FDX2: variants seen among roughly 807,000 people sequenced by gnomAD.
The protein encoded by FDX2 is ferredoxin 2.
FDX2 carries 13 observed loss-of-function variants against 18.5 expected under a neutral mutation model. That is an observed-to-expected ratio of 0.70 (90% CI 0.46 to 1.12). The LOEUF (loss-of-function observed/expected upper bound fraction) is 1.12, where lower values mean the gene tolerates loss of function less well. Among genes scored for constraint, FDX2 ranks in the 50% most tolerant of loss-of-function variants. The pLI is 0.00. For synonymous variants in FDX2, 132 were observed against 106.2 expected, an observed-to-expected ratio of 1.24 and a Z score of -1.49; for missense variants, 238 against 250.4, an observed-to-expected ratio of 0.95 and a Z score of 0.34.
At chr19:10,311,772 T>C (rs555504595) in intron 3 of FDX2, among the ~76,000 whole-genome samples, 2 of 148,288 alleles carry the variant, frequency 1.3e-5, no homozygotes, top group East Asian at 4.0e-4. Flanking sequence ...GGCTCAGTCA[T>C]AGCTTACTGC....
intron 3 of FDX2, 38 bp downstream of exon 3, chr19:10,315,347 GT>G: frequency 1.6e-6 from 1 of 642,848 alleles, no homozygotes; most frequent in South Asian, 1.8e-5. Context: ...TTGGACAAAT[GT>G]ATAAGGACCT....
rs140088038 is a variant in FDX2, at chr19:10,311,104, A to G, written c.317-164T>C. Among the ~76,000 whole-genome samples the G allele has an allele frequency of 9.0e-3, 1,377 of 152,184 alleles. 36 individuals carry two copies. Among genetic ancestry groups the G allele is most frequent in the Admixed American group, 0.061 (940 of 15,286 alleles). ...TACCAGGCACTGTGTCATGTCCTCA[A>G]TGTCCTCAGCTAGCTGTTCCCCAGT... On this transcript the variant is annotated intron_variant, in intron 3 of 4. Transcript: ENST00000393708.
At position 10,310,546 on chromosome 19, in the gene FDX2, G is replaced by A. The variant is rs199872049; in HGVS notation, c.501C>T (p.Phe167=). ...AGTTCCTGGTGATCTTGGGCAGGGT[G>A]AATTCCGCTCCTTCCAGCTCCGGTG... Residue 167 remains phenylalanine, a synonymous_variant, in exon 5 of 5, where the codon TTC becomes TTT. Coordinates refer to ENST00000393708, the MANE Select transcript of FDX2 (RefSeq NM_001031734.4). 5.0e-5 allele frequency: 80 copies of A among 1,614,040 alleles called. No individual in the cohort carries two copies. Among genetic ancestry groups the A allele is most frequent in the Non-Finnish European group, 6.5e-5 (77 of 1,180,022 alleles).
chr19:10,315,466 G>C lies in FDX2; in HGVS notation c.236C>G (p.Ser79Ter). 6.2e-7 allele frequency: 1 copy of C among 1,613,860 alleles called. No individual in the cohort carries two copies. Among genetic ancestry groups the C allele is most frequent in the Non-Finnish European group, 8.5e-7 (1 of 1,179,998 alleles). ...GCCACTCACTGGGATCCGCTGGCCT[G>C]AGCGGTCTACGAACACCACGTTCAC... The change falls in exon 3 of 5, where the codon TCA becomes TGA. Residue 79 changes from serine to a stop codon, truncating the protein, a stop_gained. Transcript: ENST00000393708. LOFTEE classifies it high-confidence loss of function.
chr19:10,314,284 A>T (rs984478455), intron 3 of FDX2, among the ~76,000 whole-genome samples: 6 of 152,160 alleles, frequency 3.9e-5, no homozygotes, highest in Non-Finnish European at 8.8e-5. Flanking sequence ...GTGCCTGGAC[A>T]AGAAATTTCT....
intron 3 of FDX2, among the ~76,000 whole-genome samples, chr19:10,312,893 T>C (rs2040338422): frequency 6.6e-6 from 1 of 152,090 alleles, no homozygotes; most frequent in African/African-American, 2.4e-5. Flanking sequence ...TCCCAGCACT[T>C]TGGGAGGCCA....
Position 10,310,912 on chromosome 19 carries a change from G to A in FDX2, c.345C>T (p.Ser115=), listed in dbSNP as rs1183552001. Reference sequence around the variant, plus strand: ...CTTCACTCACATACACATGGCAGGTGGAGCAGGCCAGGGAGGCTTCACAGG... The same window carrying A: ...CTTCACTCACATACACATGGCAGGTAGAGCAGGCCAGGGAGGCTTCACAGG... The change falls in exon 4 of 5, where the codon TCC becomes TCT. Residue 115 remains serine (S), a synonymous_variant. Coordinates refer to ENST00000393708, the MANE Select transcript of FDX2 (RefSeq NM_001031734.4). 1.9e-6 allele frequency: 3 copies of A among 1,613,566 alleles called. No individual in the cohort carries two copies. Among genetic ancestry groups the A allele is most frequent in the South Asian group, 1.1e-5 (1 of 91,032 alleles).
In FDX2 at chr19:10,315,978, G is replaced by A. The variant is rs1414127378; in HGVS notation, c.28C>T (p.Arg10Trp). The change falls in exon 1 of 5, where the codon CGG (arginine) becomes TGG (tryptophan). Residue 10 changes from arginine to tryptophan, a missense_variant. Physicochemically the swap from Arg to Trp is moderately radical, Grantham distance 101. Coordinates refer to ENST00000393708, the MANE Select transcript of FDX2 (RefSeq NM_001031734.4). ...AGAACCCTGGCACTCACGCCTCCCC[G>A]GGCCATGGAGGCGGCCATGACATGC... 1 of 1,605,576 alleles carries A rather than the reference G, an allele frequency of 6.2e-7. No homozygotes were observed.
At position 10,315,983 on chromosome 19, in the gene FDX2, A is replaced by T. The variant is rs201763046; in HGVS notation, c.23T>A (p.Met8Lys). ...CCTGGCACTCACGCCTCCCCGGGCCATGGAGGCGGCCATGACATGCATCAC... is the reference window on the plus strand; with the variant it reads ...CCTGGCACTCACGCCTCCCCGGGCCTTGGAGGCGGCCATGACATGCATCAC... Residue 8 changes from methionine to lysine, a missense_variant, in exon 1 of 5, where the codon ATG (methionine) becomes AAG (lysine). Transcript: ENST00000393708. 1 of 1,603,984 alleles carries T rather than the reference A, an allele frequency of 6.2e-7. No individual in the cohort carries two copies.
intron 4 of FDX2, 61 bp downstream of exon 4, chr19:10,310,792 G>A (rs528868001): frequency 1.9e-6 from 3 of 1,557,308 alleles, no homozygotes; most frequent in South Asian, 1.1e-5. Context: ...TGGGGAGGAT[G>A]GTGGGGGCTG....
At chr19:10,315,344 A>G in intron 3 of FDX2, 42 bp downstream of exon 3, 1 of 1,090,398 alleles carries the variant, frequency 9.2e-7, no homozygotes, top group South Asian at 1.6e-5. Flanking sequence ...TTTTTGGACA[A>G]ATGTATAAGG....
In FDX2 at chr19:10,315,945, C is replaced by A. The variant is rs1484685189; in HGVS notation, c.61G>T (p.Ala21Ser). The A allele has an allele frequency of 1.9e-6, 3 of 1,609,834 alleles. No individual in the cohort carries two copies. Among genetic ancestry groups the A allele is most frequent in the Non-Finnish European group, 2.5e-6 (3 of 1,178,848 alleles). ...CTGTTCCACCAGGTGCCCCTGGCAG[C>A]CTGCAGTAGAACCCTGGCACTCACG... The change falls in exon 1 of 5, where the codon GCT (alanine) becomes TCT (serine). Residue 21 changes from alanine to serine, a missense_variant. Ala to Ser is a moderately conservative substitution (Grantham distance 99, BLOSUM62 1). Transcript: ENST00000393708.
chr19:10,315,993 C>T lies in FDX2; in HGVS notation c.13G>A (p.Ala5Thr), dbSNP rs201687241. The T allele has an allele frequency of 8.7e-6, 14 of 1,603,132 alleles. No homozygotes were observed. The highest frequency in any genetic ancestry group is 1.7e-4 in the Middle Eastern group (1 of 6,028). The change falls in exon 1 of 5, where the codon GCC (alanine) becomes ACC (threonine). Residue 5 changes from alanine to threonine, a missense_variant. Physicochemically the swap from Ala to Thr is moderately conservative, Grantham distance 58 (BLOSUM62 0). Transcript: ENST00000393708. Reference sequence around the variant, plus strand: ...ACGCCTCCCCGGGCCATGGAGGCGGCCATGACATGCATCACGTGACTCACC... The same window carrying T: ...ACGCCTCCCCGGGCCATGGAGGCGGTCATGACATGCATCACGTGACTCACC...
At position 10,315,328 on chromosome 19, in the gene FDX2, T is replaced by G. The variant is rs2040369928; in HGVS notation, c.316+58A>C. On this transcript the variant is annotated intron_variant, in intron 3 of 4. Coordinates refer to ENST00000393708, the MANE Select transcript of FDX2 (RefSeq NM_001031734.4). ...CACACCTAATTTGTGGGTTTTTTTT[T>G]TTTTTTTTTTGGACAAATGTATAAG... The G allele has an allele frequency of 1.4e-5, 14 of 1,014,366 alleles. 1 individual carries two copies. Among genetic ancestry groups the G allele is most frequent in the African/African-American group, 1.7e-5 (1 of 60,506 alleles). 62.8% of individuals were successfully genotyped at this position (1,014,366 alleles called of 1,614,324 possible).
intron 2 of FDX2, 48 bp from the exon 3 acceptor site, chr19:10,315,540 G>C: frequency 1.3e-6 from 2 of 1,591,228 alleles, no homozygotes; most frequent in African/African-American, 1.3e-5. Flanking sequence ...ATGGGCTCAG[G>C]GCCCGGGTAG....
rs1476157437 is a variant in FDX2 at position 10,315,932 on chromosome 19, G to A, written c.74C>T (p.Thr25Ile). 1.2e-6 allele frequency: 2 copies of A among 1,609,220 alleles called. No homozygotes were observed. Among genetic ancestry groups the A allele is most frequent in the African/African-American group, 2.7e-5 (2 of 74,338 alleles). The change falls in exon 1 of 5, where the codon ACC becomes ATC. Residue 25 changes from threonine to isoleucine, a missense_variant. Transcript: ENST00000393708. Reference sequence around the variant, plus strand: ...AGTGCCCCCAGGTCTGTTCCACCAGGTGCCCCTGGCAGCCTGCAGTAGAAC... The same window carrying A: ...AGTGCCCCCAGGTCTGTTCCACCAGATGCCCCTGGCAGCCTGCAGTAGAAC...
At chr19:10,313,218 A>G (rs1818320909) in intron 3 of FDX2, among the ~76,000 whole-genome samples, 2 of 152,102 alleles carry the variant, frequency 1.3e-5, no homozygotes, top group African/African-American at 4.8e-5. Context: ...CCAGAACAGA[A>G]CTTTAGGTAG....
Position 10,310,353 on chromosome 19 carries a change from G to A in FDX2, c.*133C>T. ...TGGACATGGGACTCTCTCCCAAGCA[G>A]GGGTGTTGTCCTTCACAGGGGCTTC... On this transcript the variant is annotated 3_prime_UTR_variant, in exon 5 of 5. Coordinates refer to ENST00000393708, the MANE Select transcript of FDX2 (RefSeq NM_001031734.4). 1 of 1,250,348 alleles carries A rather than the reference G, an allele frequency of 8.0e-7. No homozygotes were observed. Among genetic ancestry groups the A allele is most frequent in the Non-Finnish European group, 1.1e-6 (1 of 898,842 alleles). The allele number at this position is 1,250,348 out of a possible 1,614,324, so 77.5% of individuals were successfully genotyped here. A position where few individuals can be genotyped will look rare whatever the true frequency, so the allele number is the denominator to read the frequency against.
At chr19:10,315,620 A>G in intron 2 of FDX2, 85 bp downstream of exon 2, 5 of 1,514,318 alleles carry the variant, frequency 3.3e-6, no homozygotes, top group Non-Finnish European at 4.5e-6. Context: ...CAGAAGGGGG[A>G]CCTCGAGATG....
Sources: allele counts gnomAD v4.1 joint callset (sites outside exome capture counted in the v4.1 genomes callset), GRCh38; gene constraint gnomAD v4.1.1; transcripts MANE v1.5; gene names NCBI Gene and HGNC (gene_info 2026-07-23, HGNC 2026-07-21).